ATP2B2: variants seen among roughly 807,000 people sequenced by gnomAD.
ATP2B2 encodes plasma membrane calcium-transporting ATPase 2.
In ATP2B2, 15 loss-of-function variants were observed where a neutral mutation model predicts 120.0. The ratio of observed to expected loss-of-function variants is 0.12; its 90% CI spans 0.08 to 0.19. The LOEUF (loss-of-function observed/expected upper bound fraction) is 0.19. Ranked by LOEUF, ATP2B2 falls within the 10% of genes least tolerant of loss-of-function variation. The probability of loss-of-function intolerance (pLI) is 1.00; values close to 1 mark genes in which losing one functional copy is unlikely to be tolerated. For synonymous variants in ATP2B2, 694 were observed against 700.3 expected (o/e 0.99, Z 0.14); for missense variants, 1,045 against 1,719.8 (o/e 0.61, Z 6.94).
chr3:10,658,776 C>G (rs997901923), intron 1 of ATP2B2, among the ~76,000 whole-genome samples: 2 of 151,932 alleles, frequency 1.3e-5, no homozygotes, highest in Non-Finnish European at 2.9e-5. Flanking sequence ...AAGAGCAACT[C>G]CAAGACACAT....
chr3:10,585,493 G>GGAAAAA (rs1250583445), intron 2 of ATP2B2, among the ~76,000 whole-genome samples: 1 of 28,510 alleles, frequency 3.5e-5, no homozygotes, highest in African/African-American at 1.6e-4. Flanking sequence ...GACTCCGTCT[G>GGAAAAA]AAAAAAAAAA....
intron 1 of ATP2B2, among the ~76,000 whole-genome samples, chr3:10,482,817 G>A (rs948655890): frequency 6.6e-6 from 1 of 152,202 alleles, no homozygotes; most frequent in Non-Finnish European, 1.5e-5. Context: ...AAAGGCCTCC[G>A]TCTGCCATCC....
intron 3 of ATP2B2, among the ~76,000 whole-genome samples, chr3:10,404,030 C>A (rs187464948): frequency 1.6e-4 from 25 of 152,340 alleles, no homozygotes; most frequent in African/African-American, 5.3e-4. Flanking sequence ...AGCAACATGA[C>A]AAGAAGTCCA....
At chr3:10,608,364 C>T (rs879824946) in intron 2 of ATP2B2, among the ~76,000 whole-genome samples, 4 of 152,240 alleles carry the variant, frequency 2.6e-5, no homozygotes, top group Non-Finnish European at 4.4e-5. Context: ...TTTGAAGCTG[C>T]AGTGAGCAAT....
chr3:10,346,141 T>C lies in ATP2B2; in HGVS notation c.2405-4A>G. 1 of 1,609,664 alleles carries C rather than the reference T, an allele frequency of 6.2e-7. No individual in the cohort carries two copies. The highest frequency in any genetic ancestry group is 8.5e-7 in the Non-Finnish European group (1 of 1,179,898). ...GTGTGTGTGCTGTCGATGATGCCTG[T>C]TGGGGCAGGAGTGTGCTCAGGCCCT... is the stretch of plus-strand genomic sequence containing the variant. On this transcript the variant is annotated splice_polypyrimidine_tract_variant and splice_region_variant and intron_variant, in intron 16 of 22. Transcript: ENST00000360273. The surrounding 1 kb of genome is among the most constrained non-coding windows in gnomAD (Gnocchi z 4.1).
At chr3:10,641,090 TGG>T (rs1575584999) in intron 1 of ATP2B2, among the ~76,000 whole-genome samples, 1 of 152,266 alleles carries the variant, frequency 6.6e-6, no homozygotes, top group East Asian at 1.9e-4. Flanking sequence ...CTAACAACCT[TGG>T]GACAACAATT....
intron 22 of ATP2B2, among the ~76,000 whole-genome samples, chr3:10,334,133 G>A (rs256768): frequency 0.11 from 16,399 of 152,256 alleles, 1,245 homozygotes; most frequent in East Asian, 0.39. Flanking sequence ...GGCTGACTCG[G>A]GGACGACTTC....
intron 3 of ATP2B2, among the ~76,000 whole-genome samples, chr3:10,532,635 T>A (rs2067234076): frequency 6.6e-6 from 1 of 152,230 alleles, no homozygotes; most frequent in Non-Finnish European, 1.5e-5. Context: ...ATTCAAGAGA[T>A]GGCATTAAAT....
chr3:10,677,027 T>C (rs1575614600), intron 1 of ATP2B2, among the ~76,000 whole-genome samples: 1 of 152,166 alleles, frequency 6.6e-6, no homozygotes, highest in East Asian at 1.9e-4. Context: ...CTAAACACAC[T>C]CTTACCATGT....
chr3:10,530,190 C>T (rs554388795), intron 3 of ATP2B2, among the ~76,000 whole-genome samples: 20 of 152,290 alleles, frequency 1.3e-4, no homozygotes, highest in Middle Eastern at 3.4e-3. Flanking sequence ...CCATTTGAGG[C>T]GATTGTTCCC....
intron 1 of ATP2B2, 124 bp from the exon 2 acceptor site, chr3:10,449,986 C>T: frequency 3.3e-6 from 1 of 301,216 alleles, no homozygotes; most frequent in South Asian, 3.3e-5. Context: ...CCCATGCCCC[C>T]TAACACACCA....
At chr3:10,489,656 C>T (rs1330835847) in intron 1 of ATP2B2, among the ~76,000 whole-genome samples, 2 of 152,176 alleles carry the variant, frequency 1.3e-5, no homozygotes, top group African/African-American at 4.8e-5. Flanking sequence ...CCTCTCCCTG[C>T]CTCCTATCAG....
chr3:10,502,998 T>A (rs1455702400), intron 1 of ATP2B2, among the ~76,000 whole-genome samples: 1 of 152,150 alleles, frequency 6.6e-6, no homozygotes, highest in Non-Finnish European at 1.5e-5. Context: ...GCTATGGGCG[T>A]CCTCACTGAG....
intron 5 of ATP2B2, among the ~76,000 whole-genome samples, chr3:10,392,232 C>T (rs1164215674): frequency 1.3e-5 from 2 of 152,152 alleles, no homozygotes; most frequent in Non-Finnish European, 2.9e-5. Flanking sequence ...CTATTTTGAA[C>T]TTTCCAGGGT....
At chr3:10,500,837 A>C (rs904636578) in intron 1 of ATP2B2, among the ~76,000 whole-genome samples, 4 of 152,240 alleles carry the variant, frequency 2.6e-5, no homozygotes, top group African/African-American at 9.6e-5. Context: ...CTGTCCCTGC[A>C]GTTGCTCTCC....
At chr3:10,682,267 A>G (rs1251827131) in intron 1 of ATP2B2, among the ~76,000 whole-genome samples, 1 of 152,196 alleles carries the variant, frequency 6.6e-6, no homozygotes, top group Non-Finnish European at 1.5e-5. Flanking sequence ...AGTTTGGGCC[A>G]CTGACTCCCA....
chr3:10,410,749 G>T lies in ATP2B2; in HGVS notation c.266C>A (p.Pro89Gln), dbSNP rs2125018047. The T allele has an allele frequency of 6.2e-7, 1 of 1,614,218 alleles. No homozygotes were observed. Among genetic ancestry groups the T allele is most frequent in the South Asian group, 1.1e-5 (1 of 91,078 alleles). The change falls in exon 3 of 23, where the codon CCA becomes CAA. Residue 89 changes from proline (P) to glutamine (Q), a missense_variant. By Grantham distance (76) the Pro-to-Gln change is moderately conservative. Coordinates refer to ENST00000360273, the MANE Select transcript of ATP2B2 (RefSeq NM_001001331.4). The part of the protein sequence containing the change: ...KQIFGQNFIP[P>Q]KKPKTFLQLV... ...CTGCAGGAAGGTTTTTGGCTTCTTT[G>T]GAGGTATAAAGTTTTGCCCAAAAAT...
intron 2 of ATP2B2, among the ~76,000 whole-genome samples, chr3:10,571,634 C>T (rs1014250886): frequency 1.3e-5 from 2 of 152,218 alleles, no homozygotes; most frequent in Non-Finnish European, 2.9e-5. Context: ...TAGCACTGAA[C>T]GCCAAGCTCA....
chr3:10,502,048 A>G (rs914918080), intron 1 of ATP2B2, among the ~76,000 whole-genome samples: 1 of 152,186 alleles, frequency 6.6e-6, no homozygotes, highest in African/African-American at 2.4e-5. Context: ...GGCAGGGGGA[A>G]GGCAGAGGAG....
Sources: allele counts gnomAD v4.1 joint callset (sites outside exome capture counted in the v4.1 genomes callset), GRCh38; gene constraint gnomAD v4.1.1; non-coding constraint Gnocchi (gnomAD v3.1); transcripts MANE v1.5; gene names NCBI Gene and HGNC (gene_info 2026-07-23, HGNC 2026-07-21).